The following TTC39B variants were observed in gnomAD, a reference collection of about 807,000 sequenced individuals.
TTC39B encodes tetratricopeptide repeat domain 39B.
A neutral mutation model predicts 96.6 loss-of-function variants in TTC39B; 92 were observed. The observed-to-expected ratio is 0.95, with a 90% CI of 0.80 to 1.13. TTC39B has a LOEUF of 1.13. Among genes scored for constraint, TTC39B ranks in the 50% most tolerant of loss-of-function variants. The pLI is 0.00. For synonymous variants in TTC39B, 367 were observed against 299.4 expected (o/e 1.23, Z -2.33); for missense variants, 955 against 809.3 (o/e 1.18, Z -2.18).
chr9:15,180,489 A>T (rs75484655), intron 17 of TTC39B, among the ~76,000 whole-genome samples: 1,940 of 152,348 alleles, frequency 0.013, 43 homozygotes, highest in African/African-American at 0.045. Flanking sequence ...GCCAGCATTT[A>T]ATAACTATGG....
exon 19 of TTC39B, chr9:15,175,099 C>G (rs370022194): frequency 4.3e-6 from 7 of 1,613,404 alleles, no homozygotes; most frequent in South Asian, 3.3e-5. Flanking sequence ...ATAGAGTGAA[C>G]GGCACTAGGT....
exon 20 of TTC39B, chr9:15,170,884 A>C (rs550345435): frequency 4.6e-5 from 7 of 152,372 alleles, no homozygotes; most frequent in Admixed American, 2.6e-4. Flanking sequence ...GTTGAAAATA[A>C]ATACCTAATA....
At chr9:15,281,152 C>G (rs1233602346) in intron 1 of TTC39B, among the ~76,000 whole-genome samples, 2 of 151,456 alleles carry the variant, frequency 1.3e-5, no homozygotes, top group Non-Finnish European at 2.9e-5. Flanking sequence ...TTTTCTCTTT[C>G]TAAACTAAAA....
chr9:15,202,507 T>G (rs1819599092), intron 7 of TTC39B, among the ~76,000 whole-genome samples: 1 of 151,830 alleles, frequency 6.6e-6, no homozygotes, highest in Non-Finnish European at 1.5e-5. Flanking sequence ...AGGTCAGGAG[T>G]TCGAGACCAG....
chr9:15,284,107 A>G (rs1425381139), intron 1 of TTC39B, among the ~76,000 whole-genome samples: 1 of 152,254 alleles, frequency 6.6e-6, no homozygotes, highest in Non-Finnish European at 1.5e-5. Flanking sequence ...AGGAATAGAC[A>G]ACCAAAAAGG....
At chr9:15,281,625 C>CAAAAAA (rs1161175672) in intron 1 of TTC39B, among the ~76,000 whole-genome samples, 609 of 48,612 alleles carry the variant, frequency 0.013, 27 homozygotes, top group African/African-American at 0.052. Context: ...CCTGCAACAG[C>CAAAAAA]AAAAAAAAAA....
At chr9:15,261,768 G>C (rs1673199535) in intron 2 of TTC39B, among the ~76,000 whole-genome samples, 1 of 152,040 alleles carries the variant, frequency 6.6e-6, no homozygotes, top group Admixed American at 6.6e-5. Context: ...GCTTTCTTTT[G>C]GAATTCCCAA....
At chr9:15,178,505 T>C (rs1818081365) in intron 17 of TTC39B, among the ~76,000 whole-genome samples, 1 of 152,100 alleles carries the variant, frequency 6.6e-6, no homozygotes, top group Non-Finnish European at 1.5e-5. Flanking sequence ...AGCCCAGCAG[T>C]TGGAGGCTGC....
exon 19 of TTC39B, chr9:15,175,104 C>T: frequency 6.2e-7 from 1 of 1,613,484 alleles, no homozygotes; most frequent in Non-Finnish European, 8.5e-7. Flanking sequence ...GTGAACGGCA[C>T]TAGGTAGTGG....
At chr9:15,272,549 G>C (rs1823395049) in intron 1 of TTC39B, among the ~76,000 whole-genome samples, 1 of 152,092 alleles carries the variant, frequency 6.6e-6, no homozygotes, top group Non-Finnish European at 1.5e-5. Flanking sequence ...CCCATACCAG[G>C]GCCAACCTTG....
chr9:15,185,501 A>G, intron 15 of TTC39B, 95 bp from the exon 16 acceptor site: 1 of 1,477,218 alleles, frequency 6.8e-7, no homozygotes, highest in South Asian at 1.3e-5. Context: ...ACAGACCACC[A>G]GCAGCAGCAG....
intron 2 of TTC39B, among the ~76,000 whole-genome samples, chr9:15,245,218 G>A (rs1822222317): frequency 6.6e-6 from 1 of 152,122 alleles, no homozygotes. Context: ...TGTCACATAT[G>A]TAGATCATGA....
intron 1 of TTC39B, among the ~76,000 whole-genome samples, chr9:15,283,000 T>A (rs1331648354): frequency 1.3e-5 from 2 of 152,210 alleles, no homozygotes; most frequent in Non-Finnish European, 2.9e-5. Flanking sequence ...TATTTCTCAA[T>A]CGTAATTACA....
intron 2 of TTC39B, among the ~76,000 whole-genome samples, chr9:15,231,849 G>A (rs867927423): frequency 6.6e-6 from 1 of 152,228 alleles, no homozygotes; most frequent in African/African-American, 2.4e-5. Flanking sequence ...GAAAAGGAAT[G>A]AGTGTAGATA....
intron 1 of TTC39B, among the ~76,000 whole-genome samples, chr9:15,286,972 A>G (rs1823995172): frequency 6.6e-6 from 1 of 152,220 alleles, no homozygotes. Context: ...GAACTAGCTT[A>G]TTATGAGAAT....
intron 3 of TTC39B, among the ~76,000 whole-genome samples, chr9:15,222,708 C>T (rs550905290): frequency 1.3e-5 from 2 of 152,188 alleles, no homozygotes; most frequent in Non-Finnish European, 2.9e-5. Flanking sequence ...CATATCTAGG[C>T]TTGGTAAGTG....
At chr9:15,231,182 T>G (rs1320358089) in intron 2 of TTC39B, among the ~76,000 whole-genome samples, 1 of 152,264 alleles carries the variant, frequency 6.6e-6, no homozygotes, top group African/African-American at 2.4e-5. Context: ...ATTTTTTTAA[T>G]TTTTATTTTT....
intron 4 of TTC39B, among the ~76,000 whole-genome samples, chr9:15,212,509 T>G (rs1444056317): frequency 6.6e-6 from 1 of 152,154 alleles, no homozygotes; most frequent in Non-Finnish European, 1.5e-5. Flanking sequence ...CACCACAACC[T>G]CCGCCTCCCG....
intron 8 of TTC39B, among the ~76,000 whole-genome samples, chr9:15,193,885 C>A (rs927157942): frequency 6.6e-6 from 1 of 152,130 alleles, no homozygotes; most frequent in Non-Finnish European, 1.5e-5. Flanking sequence ...ATGTCAACAT[C>A]ATTAAAGACA....
Sources: gnomAD v4.1 joint callset for allele counts (sites outside exome capture counted in the v4.1 genomes callset) on GRCh38, gnomAD v4.1.1 for gene constraint, MANE v1.5 for transcripts, NCBI Gene and HGNC (gene_info 2026-07-23, HGNC 2026-07-21) for gene names.